Variants in VIT observed in about 807,000 individuals in gnomAD.
The protein encoded by VIT is vitrin.
In VIT, 99 loss-of-function variants were observed where a neutral mutation model predicts 78.0. The observed-to-expected ratio is 1.27, with a 90% CI of 1.08 to 1.50. The LOEUF is 1.50. VIT is among the 40% of genes most tolerant of loss of function. VIT has a pLI of 0.00. For missense variants in VIT, 1,126 were observed against 875.3 expected, an observed-to-expected ratio of 1.29 and a Z score of -3.61; for synonymous variants, 374 against 334.3, an observed-to-expected ratio of 1.12 and a Z score of -1.29.
chr2:36,780,741 C>T (rs1664692882), intron 9 of VIT, among the ~76,000 whole-genome samples: 1 of 149,730 alleles, frequency 6.7e-6, no homozygotes, highest in Non-Finnish European at 1.5e-5. Flanking sequence ...GGCAGAAAAG[C>T]TGATAGCCTT....
intron 5 of VIT, 83 bp downstream of exon 5, chr2:36,755,137 T>G: frequency 7.1e-7 from 1 of 1,412,346 alleles, no homozygotes; most frequent in Non-Finnish European, 9.4e-7. Flanking sequence ...GGTTTTTGTT[T>G]ATGGCCCACC....
chr2:36,780,088 A>G (rs1204296585), intron 9 of VIT, among the ~76,000 whole-genome samples: 1 of 152,218 alleles, frequency 6.6e-6, no homozygotes, highest in Non-Finnish European at 1.5e-5. Context: ...ACTGAGTCCA[A>G]AAAACACCAA....
chr2:36,807,904 A>T (rs980691638), intron 14 of VIT, among the ~76,000 whole-genome samples: 4 of 152,136 alleles, frequency 2.6e-5, no homozygotes, highest in African/African-American at 9.7e-5. Flanking sequence ...TTATGATTCC[A>T]CCTTGTAGGG....
chr2:36,718,003 C>T lies in VIT; in HGVS notation c.52+1581C>T, dbSNP rs143776781. Among the ~76,000 whole-genome samples the T allele has an allele frequency of 7.9e-3, 1,197 of 152,250 alleles. 17 individuals carry two copies. Among genetic ancestry groups the T allele is most frequent in the African/African-American group, 0.027 (1,123 of 41,534 alleles). On this transcript the variant is annotated intron_variant, in intron 2 of 15. Coordinates refer to ENST00000379242, the MANE Select transcript of VIT (RefSeq NM_053276.4). Reference sequence around the variant, plus strand: ...TGGCCTGTACATGTATCACCCTAATCGCTGCCTTCATCTTCACATGGTATT... The same window carrying T: ...TGGCCTGTACATGTATCACCCTAATTGCTGCCTTCATCTTCACATGGTATT...
chr2:36,697,603 T>C (rs1437325462), intron 1 of VIT, among the ~76,000 whole-genome samples: 1 of 152,232 alleles, frequency 6.6e-6, no homozygotes, highest in Non-Finnish European at 1.5e-5. Flanking sequence ...GTAGCTCAGC[T>C]TTTCACAGGA....
Position 36,743,177 on chromosome 2 carries a change from T to G in VIT, c.196T>G (p.Cys66Gly), listed in dbSNP as rs772709835. The change falls in exon 4 of 16, where the codon TGC (cysteine) becomes GGC (glycine). Residue 66 changes from cysteine (C) to glycine (G), a missense_variant. Physicochemically the swap from Cys to Gly is radical, Grantham distance 159. Coordinates refer to ENST00000379242, the MANE Select transcript of VIT (RefSeq NM_053276.4). ...GTTCATTGTGAAATGTCCAGCAGGA[T>G]GCCAAGACCCCAAATACCATGTTTA... is the stretch of plus-strand genomic sequence containing the variant. ...PEFIVKCPAG[C>G]QDPKYHVYGT... 12 of 1,613,988 alleles carry G rather than the reference T, an allele frequency of 7.4e-6. No individual in the cohort carries two copies. Among genetic ancestry groups the G allele is most frequent in the South Asian group, 1.1e-5 (1 of 91,084 alleles).
At chr2:36,732,937 A>G (rs1273623481) in intron 3 of VIT, among the ~76,000 whole-genome samples, 1 of 152,212 alleles carries the variant, frequency 6.6e-6, no homozygotes, top group Non-Finnish European at 1.5e-5. Context: ...CATCATGCCC[A>G]AGGCCTGAAG....
chr2:36,755,050 C>T lies in VIT; in HGVS notation c.405C>T (p.Val135=). The change falls in exon 5 of 16, where the codon GTC becomes GTT. Residue 135 remains valine (V), a synonymous_variant. Transcript: ENST00000379242. ...CACGATGGAGAGAATCCTTTATCGT[C>T]TTAGGTATGACCACACACTGGAGAA... ...SLPRWRESFI[V]LESKPKKGVT... 1 of 1,613,952 alleles carries T rather than the reference C, an allele frequency of 6.2e-7. No individual in the cohort carries two copies. Among genetic ancestry groups the T allele is most frequent in the African/African-American group, 1.3e-5 (1 of 75,046 alleles).
intron 1 of VIT, among the ~76,000 whole-genome samples, chr2:36,701,330 T>C (rs1027191402): frequency 2.0e-5 from 3 of 152,144 alleles, no homozygotes; most frequent in South Asian, 4.1e-4. Flanking sequence ...TGAAACCCTC[T>C]GTGTAGCCAG....
At chr2:36,709,657 T>C (rs1038857244) in intron 1 of VIT, among the ~76,000 whole-genome samples, 2 of 152,116 alleles carry the variant, frequency 1.3e-5, no homozygotes, top group African/African-American at 4.8e-5. Flanking sequence ...GCTTGAAAGA[T>C]GGATGGGTTT....
chr2:36,754,827 G>C, intron 4 of VIT, 94 bp from the exon 5 acceptor site: 1 of 1,414,602 alleles, frequency 7.1e-7, no homozygotes, highest in Non-Finnish European at 9.6e-7. Flanking sequence ...GCTTTCCTAT[G>C]TGTAAATAAA....
rs1321554062 is a variant in VIT, at chr2:36,808,529, C to T, written c.1447C>T (p.His483Tyr). Residue 483 changes from histidine to tyrosine, a missense_variant, in exon 15 of 16, where the codon CAC (histidine) becomes TAC (tyrosine). Coordinates refer to ENST00000379242, the MANE Select transcript of VIT (RefSeq NM_053276.4). ...CCACGTGCAGAGCTGGTTTGGCCTC[C>T]ACAAGACCCTGCAGCCTCTGGTGAA... ...SLHVQSWFGL[H>Y]KTLQPLVKRV... 6.2e-7 allele frequency: 1 copy of T among 1,613,832 alleles called. No individual in the cohort carries two copies. The highest frequency in any genetic ancestry group is 2.2e-5 in the East Asian group (1 of 44,884).
At position 36,727,302 on chromosome 2, in the gene VIT, GGGTGCACACAATA is replaced by G. The variant is rs1666916702; in HGVS notation, c.53-2113_53-2101del. Among the ~76,000 whole-genome samples the G allele has an allele frequency of 2.6e-5, 4 of 152,036 alleles. No homozygotes were observed. In the South Asian group the frequency reaches 8.3e-4, roughly 32 times the overall value. On this transcript the variant is annotated intron_variant, in intron 2 of 15. Coordinates refer to ENST00000379242, the MANE Select transcript of VIT (RefSeq NM_053276.4). ...GGCACACTCGTATGCACACACACAT[GGGTGCACACAATA>G]GGTGCACACACATATAGCGTGCACG...
chr2:36,791,166 T>C (rs564627755), intron 12 of VIT, among the ~76,000 whole-genome samples: 13 of 152,336 alleles, frequency 8.5e-5, no homozygotes, highest in African/African-American at 2.9e-4. Flanking sequence ...AATAGACTTT[T>C]CCTTGCTCAT....
intron 1 of VIT, among the ~76,000 whole-genome samples, chr2:36,699,785 T>C (rs561358103): frequency 1.3e-5 from 2 of 152,144 alleles, no homozygotes; most frequent in Non-Finnish European, 2.9e-5. Context: ...GGAAAGAATG[T>C]CAAATGCCTT....
chr2:36,730,286 GAAAAAA>G (rs200786808), intron 3 of VIT, among the ~76,000 whole-genome samples: 1 of 137,376 alleles, frequency 7.3e-6, no homozygotes, highest in African/African-American at 2.7e-5. Flanking sequence ...AGACTGTGTG[GAAAAAA>G]AAAAAAACAG....
chr2:36,697,922 A>G (rs1477168327), intron 1 of VIT, among the ~76,000 whole-genome samples: 1 of 152,210 alleles, frequency 6.6e-6, no homozygotes, highest in African/African-American at 2.4e-5. Context: ...TTTTGGTGGT[A>G]AAGTTCTGAG....
At chr2:36,743,498 G>A (rs1343792149) in intron 4 of VIT, among the ~76,000 whole-genome samples, 1 of 152,064 alleles carries the variant, frequency 6.6e-6, no homozygotes, top group Non-Finnish European at 1.5e-5. Flanking sequence ...AGTTTCAGAT[G>A]ACAAGTCTGT....
intron 1 of VIT, among the ~76,000 whole-genome samples, chr2:36,697,603 TTTTCAC>T (rs1352613287): frequency 6.6e-6 from 1 of 152,232 alleles, no homozygotes; most frequent in Non-Finnish European, 1.5e-5. Context: ...GTAGCTCAGC[TTTTCAC>T]AGGAAGACAG....
Sources: gnomAD v4.1 joint callset for allele counts (sites outside exome capture counted in the v4.1 genomes callset) on GRCh38, gnomAD v4.1.1 for gene constraint, MANE v1.5 for transcripts, NCBI Gene and HGNC (gene_info 2026-07-23, HGNC 2026-07-21) for gene names.